GATAD2A: variants seen among roughly 807,000 people sequenced by gnomAD.
GATAD2A encodes the protein transcriptional repressor p66-alpha.
Under a neutral mutation model 68.5 loss-of-function variants are expected in GATAD2A, and 12 were observed. That is an observed-to-expected ratio of 0.18 (90% confidence interval 0.11 to 0.28). The LOEUF (loss-of-function observed/expected upper bound fraction) is 0.28, where lower values mean the gene tolerates loss of function less well. Ranked by LOEUF, GATAD2A falls within the 10% of genes least tolerant of loss-of-function variation. GATAD2A has a pLI of 1.00. For synonymous variants in GATAD2A, 410 were observed against 375.3 expected (o/e 1.09, Z -1.07); for missense variants, 755 against 868.5 (o/e 0.87, Z 1.64).
At chr19:19,451,990 C>G (rs2064490646) in intron 1 of GATAD2A, among the ~76,000 whole-genome samples, 1 of 152,186 alleles carries the variant, frequency 6.6e-6, no homozygotes, top group African/African-American at 2.4e-5. Context: ...AGGCGTGAGC[C>G]ACTGCTCCTG....
chr19:19,502,119 G>A (rs1442067724), intron 10 of GATAD2A, 76 bp downstream of exon 10: 9 of 1,105,278 alleles, frequency 8.1e-6, no homozygotes, highest in South Asian at 2.5e-5. Flanking sequence ...CGACTGTCAC[G>A]CTGCCTCTTC....
At chr19:19,435,695 C>T (rs1373376187) in intron 1 of GATAD2A, among the ~76,000 whole-genome samples, 2 of 152,072 alleles carry the variant, frequency 1.3e-5, no homozygotes, top group Admixed American at 1.3e-4. Flanking sequence ...ACTAAAAATA[C>T]AAAAATCAGC....
chr19:19,425,886 C>CT (rs2053025353), intron 1 of GATAD2A, among the ~76,000 whole-genome samples: 1 of 151,862 alleles, frequency 6.6e-6, no homozygotes, highest in African/African-American at 2.4e-5. Flanking sequence ...ACCTCCTGGG[C>CT]TTAAGGCATC....
Position 19,506,525 on chromosome 19 carries a change from C to T in GATAD2A, c.*1051C>T, listed in dbSNP as rs963614052. The T allele has an allele frequency of 5.6e-5, 10 of 179,090 alleles. No individual in the cohort carries two copies. Among genetic ancestry groups the T allele is most frequent in the Admixed American group, 2.5e-4 (4 of 15,902 alleles). The allele number at this position is 179,090 out of a possible 1,614,324, so 11.1% of individuals were successfully genotyped here. ...GGTGCCGTCCAGGTGTGCGGCGAGCCGCTGCGCACAGATGTCAGGATTTCC... is the reference window on the plus strand; with the variant it reads ...GGTGCCGTCCAGGTGTGCGGCGAGCTGCTGCGCACAGATGTCAGGATTTCC... On this transcript the variant is annotated 3_prime_UTR_variant, in exon 12 of 12. Coordinates refer to ENST00000683918, the MANE Select transcript of GATAD2A (RefSeq NM_001384528.1).
intron 1 of GATAD2A, among the ~76,000 whole-genome samples, chr19:19,422,868 C>A (rs1006276961): frequency 6.6e-6 from 1 of 151,968 alleles, no homozygotes; most frequent in Non-Finnish European, 1.5e-5. Context: ...CCCACCACCA[C>A]GCCCGGCTAA....
At chr19:19,424,252 C>T (rs1334719342) in intron 1 of GATAD2A, among the ~76,000 whole-genome samples, 1 of 151,612 alleles carries the variant, frequency 6.6e-6, no homozygotes, top group African/African-American at 2.4e-5. Flanking sequence ...GTTTTTGATA[C>T]AGGGTCTTGC....
At position 19,507,018 on chromosome 19, in the gene GATAD2A, T is replaced by C. The variant is rs2144592229; in HGVS notation, c.*1544T>C. 6.6e-6 allele frequency: 1 copy of C among 152,286 alleles called. No homozygotes were observed. The highest frequency in any genetic ancestry group is 1.5e-5 in the Non-Finnish European group (1 of 68,014). The allele number at this position is 152,286 out of a possible 1,614,324, so 9.4% of individuals were successfully genotyped here. On this transcript the variant is annotated 3_prime_UTR_variant, in exon 12 of 12. Transcript: ENST00000683918. The stretch of plus-strand genomic sequence containing the variant: ...TGAATATCCTCAGTCTGTAGGAAAC[T>C]TTTTTTGACACAGCATAGAAGACCT...
At chr19:19,479,239 G>GA (rs1311593399) in intron 2 of GATAD2A, among the ~76,000 whole-genome samples, 1 of 152,148 alleles carries the variant, frequency 6.6e-6, no homozygotes, top group African/African-American at 2.4e-5. Context: ...ACTTTGAACA[G>GA]AAAAATCTGT....
At chr19:19,399,823 C>T (rs2049571730) in intron 1 of GATAD2A, among the ~76,000 whole-genome samples, 1 of 152,108 alleles carries the variant, frequency 6.6e-6, no homozygotes, top group African/African-American at 2.4e-5. Context: ...GTTGGCAGAT[C>T]TGCCATTTAA....
chr19:19,481,977 C>T (rs893139691), intron 2 of GATAD2A, among the ~76,000 whole-genome samples: 6 of 152,026 alleles, frequency 3.9e-5, no homozygotes, highest in Admixed American at 2.0e-4. Flanking sequence ...TGTGGTGGCT[C>T]GTGCCTGTAG....
chr19:19,451,798 T>C (rs2147828664), intron 1 of GATAD2A, among the ~76,000 whole-genome samples: 1 of 152,354 alleles, frequency 6.6e-6, no homozygotes, highest in East Asian at 1.9e-4. Context: ...TGATTGCTCT[T>C]GAGAACTACT....
At chr19:19,474,219 G>T (rs2058514390) in intron 2 of GATAD2A, 1 of 929,212 alleles carries the variant, frequency 1.1e-6, no homozygotes, top group African/African-American at 1.8e-5. Context: ...GGAGAGGAGG[G>T]TGAGGTCGAC....
In GATAD2A at chr19:19,492,606, G is replaced by T; in HGVS notation, c.428G>T (p.Arg143Met). 1.9e-6 allele frequency: 3 copies of T among 1,614,218 alleles called. No homozygotes were observed. The highest frequency in any genetic ancestry group is 2.5e-6 in the Non-Finnish European group (3 of 1,180,038). The change falls in exon 4 of 12, where the codon AGG (arginine) becomes ATG (methionine). Residue 143 changes from arginine (R) to methionine (M), a missense_variant. Physicochemically the swap from Arg to Met is moderately conservative, Grantham distance 91. Coordinates refer to ENST00000683918, the MANE Select transcript of GATAD2A (RefSeq NM_001384528.1). ...LMKSSPEERE[R>M]MIKQLKEELR... ...AAAAGCAGTCCTGAAGAACGAGAAA[G>T]GATGATCAAGCAGCTGAAGGAAGAA...
chr19:19,474,743 T>A (rs185779628), intron 2 of GATAD2A, among the ~76,000 whole-genome samples: 1 of 152,352 alleles, frequency 6.6e-6, no homozygotes. Context: ...GTGTGTGTGG[T>A]TAGTCGTTTT....
intron 1 of GATAD2A, 111 bp from the exon 2 acceptor site, chr19:19,465,229 C>T (rs1251976574): frequency 1.2e-6 from 1 of 801,590 alleles, no homozygotes; most frequent in Non-Finnish European, 2.1e-6. Flanking sequence ...CATTCTTTTG[C>T]CATCCTTCCC....
At chr19:19,416,410 T>C (rs1448334244) in intron 1 of GATAD2A, among the ~76,000 whole-genome samples, 1 of 152,178 alleles carries the variant, frequency 6.6e-6, no homozygotes, top group Non-Finnish European at 1.5e-5. Context: ...GGCTCAAGAC[T>C]GGACTGAAGG....
chr19:19,446,637 A>G (rs1428367209), intron 1 of GATAD2A, among the ~76,000 whole-genome samples: 1 of 152,046 alleles, frequency 6.6e-6, no homozygotes, highest in Non-Finnish European at 1.5e-5. Context: ...TTTTTCTTCT[A>G]AGAGTTTTAT....
At chr19:19,444,110 G>T (rs1818942255) in intron 1 of GATAD2A, among the ~76,000 whole-genome samples, 1 of 152,102 alleles carries the variant, frequency 6.6e-6, no homozygotes, top group Admixed American at 6.6e-5. Context: ...ACAGCTAAGG[G>T]CATGAGCTTC....
chr19:19,389,091 C>T (rs1450611478), intron 1 of GATAD2A, among the ~76,000 whole-genome samples: 1 of 151,912 alleles, frequency 6.6e-6, no homozygotes, highest in East Asian at 1.9e-4. Context: ...AATGGCCCAC[C>T]CTGGATTCCA....
Sources: gnomAD v4.1 joint callset for allele counts (sites outside exome capture counted in the v4.1 genomes callset) on GRCh38, gnomAD v4.1.1 for gene constraint, MANE v1.5 for transcripts, NCBI Gene and HGNC (gene_info 2026-07-23, HGNC 2026-07-21) for gene names.